RBFOX1: variants seen among roughly 807,000 people sequenced by gnomAD.
The protein encoded by RBFOX1 is RNA binding fox-1 homolog 1.
A neutral mutation model predicts 57.7 loss-of-function variants in RBFOX1; 8 were observed. That is an observed-to-expected ratio of 0.14 (90% CI 0.08 to 0.25). The LOEUF (loss-of-function observed/expected upper bound fraction) is 0.25. RBFOX1 is among the 10% of genes least tolerant of loss of function. The pLI, the probability that RBFOX1 is intolerant of heterozygous loss-of-function variation, is 1.00. For synonymous variants in RBFOX1, 326 were observed against 222.4 expected (o/e 1.47, Z -4.15); for missense variants, 611 against 548.5 (o/e 1.11, Z -1.14).
intron 2 of RBFOX1, among the ~76,000 whole-genome samples, chr16:6,448,395 G>T (rs2094530439): frequency 6.6e-6 from 1 of 151,928 alleles, no homozygotes; most frequent in South Asian, 2.1e-4. Context: ...GTGACCTTGT[G>T]ATCTGCCCGC....
chr16:6,949,298 A>T (rs2080209849), intron 3 of RBFOX1, among the ~76,000 whole-genome samples: 1 of 152,214 alleles, frequency 6.6e-6, no homozygotes, highest in African/African-American at 2.4e-5. Context: ...GGGAGAAGAA[A>T]GACATGTACC....
intron 3 of RBFOX1, among the ~76,000 whole-genome samples, chr16:6,875,272 T>C (rs931891761): frequency 1.3e-5 from 2 of 152,226 alleles, no homozygotes; most frequent in Non-Finnish European, 2.9e-5. Flanking sequence ...ACTCTTCGGT[T>C]GTCTAAACAA....
At chr16:6,196,438 T>A (rs1382244023) in intron 1 of RBFOX1, among the ~76,000 whole-genome samples, 2 of 152,180 alleles carry the variant, frequency 1.3e-5, no homozygotes, top group African/African-American at 4.8e-5. Context: ...GCAGAAAACG[T>A]TTAACACATT....
chr16:7,623,985 C>G (rs2059699462), intron 10 of RBFOX1, among the ~76,000 whole-genome samples: 2 of 152,130 alleles, frequency 1.3e-5, no homozygotes, highest in Admixed American at 1.3e-4. Flanking sequence ...AAAAATGATT[C>G]TACAACAGTG....
At chr16:5,383,540 C>G (rs2066181948) in intron 1 of RBFOX1, among the ~76,000 whole-genome samples, 1 of 152,206 alleles carries the variant, frequency 6.6e-6, no homozygotes, top group Non-Finnish European at 1.5e-5. Context: ...TCAGAGGAAA[C>G]TGCTTAAACT....
intron 11 of RBFOX1, among the ~76,000 whole-genome samples, chr16:7,650,729 C>G (rs775266284): frequency 3.3e-5 from 5 of 152,188 alleles, no homozygotes; most frequent in African/African-American, 4.8e-5. Flanking sequence ...CGTGTTTCCT[C>G]ACACAGGCAG....
At chr16:7,407,957 T>C (rs919394495) in intron 4 of RBFOX1, among the ~76,000 whole-genome samples, 6 of 152,236 alleles carry the variant, frequency 3.9e-5, no homozygotes, top group Non-Finnish European at 7.3e-5. Flanking sequence ...AATGGCAGAA[T>C]TGAATAATCA....
intron 2 of RBFOX1, among the ~76,000 whole-genome samples, chr16:5,524,435 T>C (rs1049661462): frequency 1.2e-4 from 18 of 152,236 alleles, no homozygotes; most frequent in African/African-American, 3.6e-4. Flanking sequence ...TGAGTAGTGC[T>C]GCAGTGAACA....
chr16:5,901,688 G>A lies in RBFOX1; in HGVS notation c.351+34353G>A, dbSNP rs74004689. Among the ~76,000 whole-genome samples, 795 of 152,260 alleles carry A rather than the reference G, an allele frequency of 5.2e-3. 7 individuals carry two copies. Among genetic ancestry groups the A allele is most frequent in the African/African-American group, 0.018 (729 of 41,542 alleles). On this transcript the variant is annotated intron_variant, in intron 4 of 19. Transcript: ENST00000641259. Reference sequence around the variant, plus strand: ...ATTTCCATCACTACAAAAATTAGTTGGACATCCACATCAGAGAGCAAGGTT... The same window carrying A: ...ATTTCCATCACTACAAAAATTAGTTAGACATCCACATCAGAGAGCAAGGTT...
At chr16:7,345,167 T>A (rs2096971913) in intron 4 of RBFOX1, among the ~76,000 whole-genome samples, 1 of 152,196 alleles carries the variant, frequency 6.6e-6, no homozygotes, top group Admixed American at 6.5e-5. Context: ...CAAGCAACGT[T>A]ACCAACACAC....
intron 3 of RBFOX1, among the ~76,000 whole-genome samples, chr16:6,830,605 G>C (rs1198336853): frequency 1.3e-5 from 2 of 152,166 alleles, no homozygotes; most frequent in African/African-American, 2.4e-5. Context: ...CTAGTTGGTA[G>C]AGGCCAAGGG....
intron 3 of RBFOX1, among the ~76,000 whole-genome samples, chr16:5,856,766 C>T (rs1051348298): frequency 5.3e-5 from 8 of 151,138 alleles, no homozygotes; most frequent in African/African-American, 1.9e-4. Flanking sequence ...TCTCAGCCTT[C>T]ATAGAATTGA....
At chr16:6,419,619 G>A (rs1386142245) in intron 2 of RBFOX1, among the ~76,000 whole-genome samples, 1 of 152,172 alleles carries the variant, frequency 6.6e-6, no homozygotes, top group Non-Finnish European at 1.5e-5. Context: ...CATTCAGAGA[G>A]ATGCTTCCCT....
intron 3 of RBFOX1, among the ~76,000 whole-genome samples, chr16:7,003,549 A>AAAAAT (rs1268944415): frequency 6.6e-6 from 1 of 152,150 alleles, no homozygotes; most frequent in African/African-American, 2.4e-5. Context: ...TACACCCTTT[A>AAAAAT]AAAATAAAAT....
chr16:7,065,243 T>C (rs1002269439), intron 4 of RBFOX1, among the ~76,000 whole-genome samples: 9 of 152,200 alleles, frequency 5.9e-5, no homozygotes, highest in African/African-American at 2.2e-4. Context: ...TGCTTCTATC[T>C]AGCTTTCTTG....
intron 14 of RBFOX1, among the ~76,000 whole-genome samples, chr16:7,704,993 G>A (rs79858024): frequency 0.016 from 2,462 of 149,890 alleles, 62 homozygotes; most frequent in African/African-American, 0.053. Flanking sequence ...AGAGTGAGCC[G>A]AGATCATGTC....
intron 2 of RBFOX1, among the ~76,000 whole-genome samples, chr16:6,596,913 A>G (rs1053906305): frequency 2.0e-5 from 3 of 152,344 alleles, no homozygotes; most frequent in Middle Eastern, 3.4e-3. Context: ...TGATACATTC[A>G]TACACACACA....
In RBFOX1 at chr16:5,607,777, A is replaced by G. The variant is rs192230897; in HGVS notation, c.318+8816A>G. Among the ~76,000 whole-genome samples the G allele has an allele frequency of 4.0e-4, 61 of 152,246 alleles. 1 individual carries two copies. Among genetic ancestry groups the G allele is most frequent in the African/African-American group, 1.4e-3 (58 of 41,566 alleles). On this transcript the variant is annotated intron_variant, in intron 3 of 19. Transcript: ENST00000641259. ...GGGCTCATTTCTGAAATCTCTATAAATGGACCCCTGCAGTCCATATGTATC... is the reference window on the plus strand; with the variant it reads ...GGGCTCATTTCTGAAATCTCTATAAGTGGACCCCTGCAGTCCATATGTATC...
At chr16:5,762,789 T>A (rs1463319022) in intron 3 of RBFOX1, among the ~76,000 whole-genome samples, 1 of 152,236 alleles carries the variant, frequency 6.6e-6, no homozygotes, top group Non-Finnish European at 1.5e-5. Flanking sequence ...TTCTGTCATT[T>A]ACATAGGTCT....
Sources: allele counts gnomAD v4.1 joint callset (sites outside exome capture counted in the v4.1 genomes callset), GRCh38; gene constraint gnomAD v4.1.1; transcripts MANE v1.5; gene names NCBI Gene and HGNC (gene_info 2026-07-23, HGNC 2026-07-21).